Variants in FBLN5 observed in about 807,000 individuals in gnomAD.
FBLN5 encodes the protein fibulin 5.
Under a neutral mutation model 61.6 loss-of-function variants are expected in FBLN5, and 24 were observed. That is an observed-to-expected ratio of 0.39 (90% CI 0.28 to 0.55). The LOEUF (loss-of-function observed/expected upper bound fraction) is 0.55. Ranked by LOEUF, FBLN5 falls within the 20% of genes least tolerant of loss-of-function variation. The probability of loss-of-function intolerance (pLI) is 0.65; values close to 1 mark genes in which losing one functional copy is unlikely to be tolerated. For missense variants in FBLN5, 470 were observed against 594.1 expected, an observed-to-expected ratio of 0.79 and a Z score of 2.17; for synonymous variants, 213 against 219.8, an observed-to-expected ratio of 0.97 and a Z score of 0.27.
intron 4 of FBLN5, among the ~76,000 whole-genome samples, chr14:91,902,972 G>T (rs986210424): frequency 2.6e-5 from 4 of 152,052 alleles, no homozygotes; most frequent in African/African-American, 9.7e-5. Flanking sequence ...TAACTACTGG[G>T]AACTATGCTC....
chr14:91,899,121 T>G (rs991221329), intron 4 of FBLN5, among the ~76,000 whole-genome samples: 1 of 149,788 alleles, frequency 6.7e-6, no homozygotes, highest in Non-Finnish European at 1.5e-5. Flanking sequence ...TCATTCTTTA[T>G]GCTCTACAGC....
chr14:91,919,386 A>G (rs143450705), intron 4 of FBLN5, among the ~76,000 whole-genome samples: 11,674 of 91,742 alleles, frequency 0.13, 621 homozygotes, highest in Non-Finnish European at 0.15. Context: ...GAAAAGAAAG[A>G]AAGAAAGGAA....
At chr14:91,933,222 T>G (rs974311237) in intron 4 of FBLN5, among the ~76,000 whole-genome samples, 1 of 152,226 alleles carries the variant, frequency 6.6e-6, no homozygotes, top group East Asian at 1.9e-4. Context: ...GAGATTATTA[T>G]TGACTTCTGT....
chr14:91,944,220 G>A (rs945781057), intron 1 of FBLN5, among the ~76,000 whole-genome samples: 1 of 152,206 alleles, frequency 6.6e-6, no homozygotes, highest in South Asian at 2.1e-4. Context: ...GAGACAAAGC[G>A]AGACTCTGTC....
intron 4 of FBLN5, among the ~76,000 whole-genome samples, chr14:91,903,635 C>T (rs1384197251): frequency 1.3e-5 from 2 of 152,102 alleles, no homozygotes; most frequent in African/African-American, 2.4e-5. Context: ...CTTGCCCCTC[C>T]CACCTGCTCC....
At chr14:91,927,403 T>C (rs916002400) in intron 4 of FBLN5, among the ~76,000 whole-genome samples, 1 of 152,196 alleles carries the variant, frequency 6.6e-6, no homozygotes, top group Non-Finnish European at 1.5e-5. Context: ...GCGGAGAACA[T>C]CCACAGAACA....
rs543766514 is a variant in FBLN5, at chr14:91,888,599, ACT to A, written c.620-1289_620-1288del. ...ACTCCAGCCTGGTTGACAGAGCTAG[ACT>A]CTGTCTCAAAAAAAAAAAAAAAATA... On this transcript the variant is annotated intron_variant, in intron 6 of 10. Coordinates refer to ENST00000342058, the MANE Select transcript of FBLN5 (RefSeq NM_006329.4). Among the ~76,000 whole-genome samples, 816 of 135,616 alleles carry A rather than the reference ACT, an allele frequency of 6.0e-3. 9 individuals are homozygous for A. The highest frequency in any genetic ancestry group is 0.022 in the African/African-American group (774 of 34,726). 89.0% of individuals were successfully genotyped at this position (135,616 alleles called of 152,430 possible).
At chr14:91,899,620 C>T (rs867450104) in intron 4 of FBLN5, among the ~76,000 whole-genome samples, 5 of 152,202 alleles carry the variant, frequency 3.3e-5, no homozygotes, top group East Asian at 1.9e-4. Context: ...ATCACCTCCT[C>T]GATGCCTTCC....
intron 6 of FBLN5, among the ~76,000 whole-genome samples, chr14:91,887,664 G>A (rs1049239456): frequency 6.6e-6 from 1 of 152,022 alleles, no homozygotes; most frequent in Admixed American, 6.6e-5. Context: ...TTCCATCACC[G>A]GTTGCATTCC....
chr14:91,899,245 A>G (rs1173821155), intron 4 of FBLN5, among the ~76,000 whole-genome samples: 1 of 152,084 alleles, frequency 6.6e-6, no homozygotes, highest in Non-Finnish European at 1.5e-5. Context: ...AGCAGACTTT[A>G]CTGGGAGTTC....
intron 4 of FBLN5, among the ~76,000 whole-genome samples, chr14:91,935,361 T>G (rs1171707710): frequency 6.6e-6 from 1 of 152,198 alleles, no homozygotes; most frequent in Non-Finnish European, 1.5e-5. Context: ...TAGACCTGTC[T>G]GCACCACGAC....
chr14:91,892,036 C>T (rs1890017881), intron 5 of FBLN5, among the ~76,000 whole-genome samples: 1 of 152,214 alleles, frequency 6.6e-6, no homozygotes, highest in Admixed American at 6.5e-5. Flanking sequence ...TTCCAAGCCA[C>T]AGCTGGCCTT....
At chr14:91,941,427 C>T (rs530019511) in intron 2 of FBLN5, among the ~76,000 whole-genome samples, 2 of 152,262 alleles carry the variant, frequency 1.3e-5, no homozygotes, top group African/African-American at 2.4e-5. Flanking sequence ...GTGGACTCTT[C>T]AGGAAGACCC....
At chr14:91,898,502 AT>A (rs1301133970) in intron 4 of FBLN5, among the ~76,000 whole-genome samples, 2 of 152,196 alleles carry the variant, frequency 1.3e-5, no homozygotes, top group Non-Finnish European at 2.9e-5. Flanking sequence ...TGAAAGACTC[AT>A]CACACATTCC....
chr14:91,942,274 G>A (rs992472984), intron 2 of FBLN5: 2 of 432,770 alleles, frequency 4.6e-6, no homozygotes, highest in South Asian at 1.6e-5. Context: ...CCTCTGAGGG[G>A]TTTCAGCCCA....
intron 4 of FBLN5, among the ~76,000 whole-genome samples, chr14:91,900,892 A>G (rs1030927687): frequency 1.3e-5 from 2 of 152,200 alleles, no homozygotes; most frequent in Admixed American, 1.3e-4. Context: ...AGAATTCACT[A>G]AAGACACCAG....
At chr14:91,922,335 T>C (rs973421076) in intron 4 of FBLN5, among the ~76,000 whole-genome samples, 2 of 149,616 alleles carry the variant, frequency 1.3e-5, no homozygotes, top group Non-Finnish European at 3.0e-5. Flanking sequence ...AATAAATAAA[T>C]AAATAAATAA....
At chr14:91,883,169 G>A in intron 7 of FBLN5, 93 bp from the exon 8 acceptor site, 2 of 1,423,400 alleles carry the variant, frequency 1.4e-6, no homozygotes, top group South Asian at 1.2e-5. Flanking sequence ...ACACTGTCTT[G>A]ATACATACAA....
intron 7 of FBLN5, among the ~76,000 whole-genome samples, chr14:91,886,449 A>T (rs907342611): frequency 6.6e-6 from 1 of 152,358 alleles, no homozygotes; most frequent in Admixed American, 6.5e-5. Context: ...AAGAAAAAAA[A>T]TTTAACTTTC....
Sources: allele counts gnomAD v4.1 joint callset (sites outside exome capture counted in the v4.1 genomes callset), GRCh38; gene constraint gnomAD v4.1.1; transcripts MANE v1.5; gene names NCBI Gene and HGNC (gene_info 2026-07-23, HGNC 2026-07-21).